The following EXOC6B variants were observed in gnomAD, a reference collection of about 807,000 sequenced individuals.
EXOC6B encodes the protein SEC15 homolog B.
A neutral mutation model predicts 113.5 loss-of-function variants in EXOC6B; 54 were observed. The observed-to-expected ratio is 0.48, with a 90% confidence interval of 0.38 to 0.60. EXOC6B has a LOEUF of 0.60. Among genes scored for constraint, EXOC6B ranks in the 20% least tolerant of loss-of-function variants. The pLI is 0.00. For synonymous variants in EXOC6B, 357 were observed against 339.0 expected, an observed-to-expected ratio of 1.05 and a Z score of -0.58; for missense variants, 797 against 977.5, an observed-to-expected ratio of 0.82 and a Z score of 2.46.
chr2:72,717,793 A>G (rs913635837), intron 6 of EXOC6B, among the ~76,000 whole-genome samples: 1 of 152,224 alleles, frequency 6.6e-6, no homozygotes, highest in Non-Finnish European at 1.5e-5. Context: ...GAACTTTAAA[A>G]TATCTTAAGC....
chr2:72,763,745 T>C (rs1038904545), intron 1 of EXOC6B, among the ~76,000 whole-genome samples: 1 of 152,160 alleles, frequency 6.6e-6, no homozygotes, highest in Non-Finnish European at 1.5e-5. Context: ...TTTATAAATG[T>C]TTCTATTTTT....
At chr2:72,512,989 G>T in intron 11 of EXOC6B, 143 bp downstream of exon 11, 1 of 939,542 alleles carries the variant, frequency 1.1e-6, no homozygotes, top group Non-Finnish European at 1.5e-6. Flanking sequence ...ATTTGAAGCA[G>T]CTACTTCTAT....
intron 19 of EXOC6B, among the ~76,000 whole-genome samples, chr2:72,345,640 A>G (rs1689283935): frequency 6.6e-6 from 1 of 152,154 alleles, no homozygotes; most frequent in South Asian, 2.1e-4. Context: ...AATTATGGAG[A>G]CAGTAAAGGA....
At chr2:72,823,843 T>C (rs1453381264) in intron 1 of EXOC6B, among the ~76,000 whole-genome samples, 1 of 152,224 alleles carries the variant, frequency 6.6e-6, no homozygotes, top group African/African-American at 2.4e-5. Context: ...TGTCTTGTCA[T>C]TATTACCTAA....
chr2:72,605,352 A>T (rs1670692365), intron 6 of EXOC6B, among the ~76,000 whole-genome samples: 1 of 151,994 alleles, frequency 6.6e-6, no homozygotes, highest in Admixed American at 6.6e-5. Context: ...CTAAAGTCCC[A>T]GGATGAGAAC....
chr2:72,691,679 C>CTAT (rs1432834306), intron 6 of EXOC6B, among the ~76,000 whole-genome samples: 1 of 148,502 alleles, frequency 6.7e-6, no homozygotes, highest in African/African-American at 2.5e-5. Flanking sequence ...TGTTGTATAT[C>CTAT]TATTTTTTTT....
At chr2:72,208,727 C>A (rs1317952403) in intron 20 of EXOC6B, among the ~76,000 whole-genome samples, 2 of 152,120 alleles carry the variant, frequency 1.3e-5, no homozygotes, top group Non-Finnish European at 2.9e-5. Context: ...GCACCCTTTA[C>A]CTCAAAAACA....
chr2:72,535,243 T>G (rs2105769579), intron 8 of EXOC6B, among the ~76,000 whole-genome samples: 1 of 152,344 alleles, frequency 6.6e-6, no homozygotes, highest in Admixed American at 6.5e-5. Context: ...CTACTTGGTT[T>G]GAAACCCACA....
At chr2:72,552,215 T>G (rs1703274851) in intron 8 of EXOC6B, among the ~76,000 whole-genome samples, 1 of 152,228 alleles carries the variant, frequency 6.6e-6, no homozygotes, top group Non-Finnish European at 1.5e-5. Context: ...TTCATTAAAT[T>G]TTTAATTATG....
At chr2:72,407,852 A>G (rs1337401554) in intron 18 of EXOC6B, among the ~76,000 whole-genome samples, 4 of 152,228 alleles carry the variant, frequency 2.6e-5, no homozygotes, top group Admixed American at 2.6e-4. Flanking sequence ...ATAGTGTTGG[A>G]AGTTCTGGCC....
chr2:72,713,868 T>C (rs560978134), intron 6 of EXOC6B, among the ~76,000 whole-genome samples: 1 of 152,352 alleles, frequency 6.6e-6, no homozygotes, highest in African/African-American at 2.4e-5. Flanking sequence ...AGCTTAGCTA[T>C]TCATCAAACC....
intron 6 of EXOC6B, among the ~76,000 whole-genome samples, chr2:72,635,338 G>T (rs904095082): frequency 2.0e-5 from 3 of 152,012 alleles, no homozygotes; most frequent in African/African-American, 7.2e-5. Flanking sequence ...ATGAAAAAAA[G>T]AGAAAAAATA....
chr2:72,590,543 G>A (rs1705874477), intron 6 of EXOC6B, among the ~76,000 whole-genome samples: 1 of 151,922 alleles, frequency 6.6e-6, no homozygotes, highest in African/African-American at 2.4e-5. Context: ...CACATTGAGG[G>A]TTTTTGTTAA....
chr2:72,240,111 G>A (rs1682216655), intron 20 of EXOC6B, among the ~76,000 whole-genome samples: 1 of 152,104 alleles, frequency 6.6e-6, no homozygotes, highest in Non-Finnish European at 1.5e-5. Flanking sequence ...ATAACATCAT[G>A]TCATCTACAA....
chr2:72,458,447 G>A (rs1697387388), intron 18 of EXOC6B, among the ~76,000 whole-genome samples: 1 of 152,028 alleles, frequency 6.6e-6, no homozygotes, highest in Admixed American at 6.6e-5. Context: ...TATAATGGTT[G>A]GTGAATCCAA....
intron 20 of EXOC6B, among the ~76,000 whole-genome samples, chr2:72,319,921 C>A (rs933281212): frequency 1.3e-5 from 2 of 152,038 alleles, no homozygotes; most frequent in African/African-American, 4.8e-5. Context: ...CTACAACCTC[C>A]GACTCCCTGG....
intron 6 of EXOC6B, among the ~76,000 whole-genome samples, chr2:72,700,628 C>T (rs1258253709): frequency 6.6e-6 from 1 of 152,140 alleles, no homozygotes; most frequent in Non-Finnish European, 1.5e-5. Context: ...ACTGCACAAC[C>T]ATGTGAATGT....
chr2:72,209,245 A>C (rs1348376849), intron 20 of EXOC6B, among the ~76,000 whole-genome samples: 1 of 115,628 alleles, frequency 8.6e-6, no homozygotes, highest in African/African-American at 3.1e-5. Flanking sequence ...AAAAAAAAAA[A>C]AAGAAAAGAA....
At position 72,618,324 on chromosome 2, in the gene EXOC6B, G is replaced by A. The variant is rs540044906; in HGVS notation, c.670-42656C>T. On this transcript the variant is annotated intron_variant, in intron 6 of 21. Transcript: ENST00000272427. ...GCGGAGGTTGCAGTAAGCCGAAATC[G>A]CACCATTGCACTCCAGCCTGGGTGA... is the stretch of plus-strand genomic sequence containing the variant. Among the ~76,000 whole-genome samples, 222 of 152,026 alleles carry A rather than the reference G, an allele frequency of 1.5e-3. 3 individuals are homozygous for A. The highest frequency in any genetic ancestry group is 1.2e-3 in the Non-Finnish European group (83 of 67,968).
Sources: allele counts gnomAD v4.1 joint callset (sites outside exome capture counted in the v4.1 genomes callset), GRCh38; gene constraint gnomAD v4.1.1; transcripts MANE v1.5; gene names NCBI Gene and HGNC (gene_info 2026-07-23, HGNC 2026-07-21).